HDAC4: variants seen among roughly 807,000 people sequenced by gnomAD.
HDAC4 encodes histone deacetylase 4.
Under a neutral mutation model 135.1 loss-of-function variants are expected in HDAC4, and 16 were observed. The observed-to-expected ratio is 0.12, with a 90% CI of 0.08 to 0.18. The LOEUF is 0.18. Ranked by LOEUF, HDAC4 falls within the 10% of genes least tolerant of loss-of-function variation. HDAC4 has a pLI of 1.00. For missense variants in HDAC4, 1,143 were observed against 1,511.8 expected, an observed-to-expected ratio of 0.76 and a Z score of 4.05; for synonymous variants, 685 against 653.4, an observed-to-expected ratio of 1.05 and a Z score of -0.74.
intron 22 of HDAC4, among the ~76,000 whole-genome samples, chr2:239,075,565 C>T (rs948601700): frequency 5.3e-5 from 8 of 152,154 alleles, no homozygotes; most frequent in African/African-American, 7.2e-5. Flanking sequence ...TGCCTGTGCC[C>T]GTGAGGCACG....
In HDAC4 at chr2:239,303,364, C is replaced by T. The variant is rs899425410; in HGVS notation, c.22+49314G>A. On this transcript the variant is annotated intron_variant, in intron 2 of 26. Transcript: ENST00000543185. The surrounding 1 kb of genome is among the most constrained non-coding windows in gnomAD (Gnocchi z 5.1). Reference sequence around the variant, plus strand: ...GCCTGGTTCCTCTGCCATCAAGACCCGCCGTCTGGTGTGAAGGGAAACGTC... The same window carrying T: ...GCCTGGTTCCTCTGCCATCAAGACCTGCCGTCTGGTGTGAAGGGAAACGTC... Among the ~76,000 whole-genome samples the T allele has an allele frequency of 2.0e-5, 3 of 152,226 alleles. No homozygotes were observed. Among genetic ancestry groups the T allele is most frequent in the Non-Finnish European group, 4.4e-5 (3 of 68,042 alleles).
intron 2 of HDAC4, among the ~76,000 whole-genome samples, chr2:239,339,054 C>G (rs1692126172): frequency 6.6e-6 from 1 of 152,234 alleles, no homozygotes. Flanking sequence ...AATACAGAAT[C>G]TGGCTTTGAA....
chr2:239,349,571 G>A lies in HDAC4; in HGVS notation c.22+3107C>T, dbSNP rs973213612. 6.6e-6 allele frequency among the ~76,000 whole-genome samples: 1 copy of A among 152,190 alleles called. No individual in the cohort carries two copies. Among genetic ancestry groups the A allele is most frequent in the African/African-American group, 2.4e-5 (1 of 41,464 alleles). ...GAGCTGCTTGGGAAGGCACACAAGC[G>A]AGTGGGCCTCGCCCAGGAGGGAGGG... On this transcript the variant is annotated intron_variant, in intron 2 of 26. Coordinates refer to ENST00000543185, the MANE Select transcript of HDAC4 (RefSeq NM_001378414.1). This position sits in a 1 kb window ranked among gnomAD's most constrained non-coding sequence, Gnocchi z 5.7.
intron 16 of HDAC4, among the ~76,000 whole-genome samples, chr2:239,102,030 CCACG>C (rs2037705035): frequency 9.2e-6 from 1 of 108,362 alleles, no homozygotes; most frequent in Non-Finnish European, 2.1e-5. Flanking sequence ...GGCCCCGGGT[CCACG>C]TTCTGTGCCC....
chr2:239,173,460 C>T (rs1486728986), intron 5 of HDAC4, among the ~76,000 whole-genome samples: 1 of 152,180 alleles, frequency 6.6e-6, no homozygotes, highest in African/African-American at 2.4e-5. Context: ...AATATCCATT[C>T]ATATTGAAAC....
intron 12 of HDAC4, 125 bp downstream of exon 12, chr2:239,126,331 C>G (rs2277885): frequency 6.6e-7 from 1 of 1,507,624 alleles, no homozygotes; most frequent in East Asian, 2.3e-5. Flanking sequence ...TGTGCCTCCT[C>G]GGTTCCCTCT....
chr2:239,113,032 C>G (rs562423144), intron 13 of HDAC4, among the ~76,000 whole-genome samples: 11 of 152,262 alleles, frequency 7.2e-5, no homozygotes, highest in Middle Eastern at 3.4e-3. Flanking sequence ...CGAGACCAGC[C>G]TGGCCAAAAT....
chr2:239,319,537 C>T (rs1007439421), intron 2 of HDAC4, among the ~76,000 whole-genome samples: 2 of 152,200 alleles, frequency 1.3e-5, no homozygotes, highest in Non-Finnish European at 2.9e-5. Flanking sequence ...CTGGAGGTCA[C>T]GCAGAGTTAA....
chr2:239,061,372 T>G (rs1207634359), intron 24 of HDAC4, among the ~76,000 whole-genome samples: 1 of 149,412 alleles, frequency 6.7e-6, no homozygotes, highest in East Asian at 2.0e-4. Context: ...CTGTGGTACC[T>G]GTGTGGGTGT....
chr2:239,381,913 GC>G (rs940838833), intron 1 of HDAC4, among the ~76,000 whole-genome samples: 2 of 152,302 alleles, frequency 1.3e-5, no homozygotes, highest in East Asian at 3.9e-4. Context: ...TGAAGTCACC[GC>G]CCCCCAGTTC....
At chr2:239,367,893 G>A (rs1694325161) in intron 1 of HDAC4, among the ~76,000 whole-genome samples, 1 of 152,026 alleles carries the variant, frequency 6.6e-6, no homozygotes, top group Admixed American at 6.6e-5. Context: ...CAGTAGAATC[G>A]CTTAAACCTG....
Position 239,303,880 on chromosome 2 carries a change from C to T in HDAC4, c.22+48798G>A, listed in dbSNP as rs931776271. On this transcript the variant is annotated intron_variant, in intron 2 of 26. Coordinates refer to ENST00000543185, the MANE Select transcript of HDAC4 (RefSeq NM_001378414.1). The surrounding 1 kb of genome is among the most constrained non-coding windows in gnomAD (Gnocchi z 5.1). ...CCAGATACCCACCAGACCCTACAGG[C>T]CTGCCCCGTGGCCCTGGGAATGCTT... 6.6e-6 allele frequency among the ~76,000 whole-genome samples: 1 copy of T among 152,182 alleles called. No individual in the cohort carries two copies. Among genetic ancestry groups the T allele is most frequent in the Non-Finnish European group, 1.5e-5 (1 of 68,026 alleles).
chr2:239,097,514 T>C (rs1435347085), intron 16 of HDAC4, among the ~76,000 whole-genome samples: 3 of 152,206 alleles, frequency 2.0e-5, no homozygotes, highest in African/African-American at 7.2e-5. Flanking sequence ...CTGAACCTCA[T>C]GGTGGTCAGC....
rs560581063 is a variant in HDAC4 at position 239,327,045 on chromosome 2, G to GA, written c.22+25632dup. On this transcript the variant is annotated intron_variant, in intron 2 of 26. Transcript: ENST00000543185. Reference sequence around the variant, plus strand: ...CTCACTGGCGGTGCACCTGTTTCTGGAAAAAAACCCTGACTAGGATGATTC... The same window carrying GA: ...CTCACTGGCGGTGCACCTGTTTCTGGAAAAAAAACCCTGACTAGGATGATTC... Among the ~76,000 whole-genome samples the GA allele has an allele frequency of 5.5e-4, 84 of 152,248 alleles. 3 individuals are homozygous for GA. The East Asian group carries it at 0.014, about 25-fold the overall frequency.
At chr2:239,257,399 T>C (rs188745735) in intron 2 of HDAC4, among the ~76,000 whole-genome samples, 22 of 151,612 alleles carry the variant, frequency 1.5e-4, no homozygotes, top group African/African-American at 4.1e-4. Flanking sequence ...GGCTGGGGGG[T>C]GAAGATGGCA....
intron 3 of HDAC4, among the ~76,000 whole-genome samples, chr2:239,221,555 G>A (rs1381081327): frequency 6.6e-6 from 1 of 152,044 alleles, no homozygotes; most frequent in Non-Finnish European, 1.5e-5. Flanking sequence ...TCACCGCAAG[G>A]CCTGGACTCA....
rs148984401 is a variant in HDAC4, at chr2:239,327,917, C to A, written c.22+24761G>T. Among the ~76,000 whole-genome samples, 1,199 of 152,342 alleles carry A rather than the reference C, an allele frequency of 7.9e-3. 12 individuals are homozygous for A. Among genetic ancestry groups the A allele is most frequent in the African/African-American group, 0.027 (1,143 of 41,576 alleles). ...ACAGTCTTCCTTCCCATGCTCTCCC[C>A]GCATACACACCATCCAGGGGCCTGG... On this transcript the variant is annotated intron_variant, in intron 2 of 26. Transcript: ENST00000543185.
chr2:239,205,267 CACA>C (rs1271180298), intron 3 of HDAC4, among the ~76,000 whole-genome samples: 2 of 152,166 alleles, frequency 1.3e-5, no homozygotes, highest in East Asian at 3.8e-4. Context: ...ACACAGAAAG[CACA>C]ACGATGCATG....
chr2:239,262,682 C>A lies in HDAC4; in HGVS notation c.23-26018G>T, dbSNP rs2049443388. On this transcript the variant is annotated intron_variant, in intron 2 of 26. Transcript: ENST00000543185. This position sits in a 1 kb window ranked among gnomAD's most constrained non-coding sequence, Gnocchi z 4.1. Reference sequence around the variant, plus strand: ...CTAGTGCAGGGGTGGGCAGGCACCACAAGCGGGACACCCCCAAGGGTGCAC... The same window carrying A: ...CTAGTGCAGGGGTGGGCAGGCACCAAAAGCGGGACACCCCCAAGGGTGCAC... Among the ~76,000 whole-genome samples, 1 of 152,212 alleles carries A rather than the reference C, an allele frequency of 6.6e-6. No homozygotes were observed. The highest frequency in any genetic ancestry group is 1.5e-5 in the Non-Finnish European group (1 of 68,042).
Sources: gnomAD v4.1 joint callset for allele counts (sites outside exome capture counted in the v4.1 genomes callset) on GRCh38, gnomAD v4.1.1 for gene constraint, Gnocchi (gnomAD v3.1) non-coding constraint, MANE v1.5 for transcripts, NCBI Gene and HGNC (gene_info 2026-07-23, HGNC 2026-07-21) for gene names.